GPATCH2L: variants seen among roughly 807,000 people sequenced by gnomAD.
The protein encoded by GPATCH2L is G-patch domain containing 2 like, also known as G patch domain-containing protein 2-like.
In GPATCH2L, 31 loss-of-function variants were observed where a neutral mutation model predicts 57.4. The ratio of observed to expected loss-of-function variants is 0.54; its 90% CI spans 0.41 to 0.73. The LOEUF is 0.73. GPATCH2L is among the 30% of genes least tolerant of loss of function. The pLI is 0.00. For synonymous variants in GPATCH2L, 199 were observed against 210.7 expected, an observed-to-expected ratio of 0.94 and a Z score of 0.48; for missense variants, 481 against 599.9, an observed-to-expected ratio of 0.80 and a Z score of 2.07.
downstream of GPATCH2L, among the ~76,000 whole-genome samples, chr14:76,214,789 T>C (rs1051522278): frequency 1.3e-5 from 2 of 152,246 alleles, no homozygotes; most frequent in African/African-American, 4.8e-5. Context: ...CTTTTTGTTT[T>C]GCAGCCAAAG....
At chr14:76,217,949 T>C (rs2040496867), downstream of GPATCH2L, among the ~76,000 whole-genome samples, 1 of 152,168 alleles carries the variant, frequency 6.6e-6, no homozygotes, top group East Asian at 1.9e-4. Context: ...GAAGTAATGG[T>C]GCCAGGATTT....
chr14:76,157,683 TC>T (rs59206868), intron 2 of GPATCH2L, among the ~76,000 whole-genome samples: 62,718 of 151,086 alleles, frequency 0.42, 15,406 homozygotes, highest in East Asian at 0.61. Context: ...GTTTTTTTTT[TC>T]TAAAGCATGT....
At chr14:76,153,844 C>T (rs2038168787) in intron 1 of GPATCH2L, 1 of 152,354 alleles carries the variant, frequency 6.6e-6, no homozygotes, top group Non-Finnish European at 1.5e-5. Flanking sequence ...TCAGCAGTGA[C>T]CCCAGGCCAA....
chr14:76,201,372 G>C (rs866334219), intron 9 of GPATCH2L, among the ~76,000 whole-genome samples: 3 of 152,134 alleles, frequency 2.0e-5, no homozygotes, highest in Non-Finnish European at 2.9e-5. Context: ...GCATTAACAA[G>C]ATCATGAGTA....
chr14:76,223,681 A>G (rs530255093), intron 1 of GPATCH2L, among the ~76,000 whole-genome samples: 1 of 152,368 alleles, frequency 6.6e-6, no homozygotes, highest in African/African-American at 2.4e-5. Flanking sequence ...CAAATCATAT[A>G]TTGGATAAGG....
At chr14:76,220,927 G>A (rs2040511657) in intron 1 of GPATCH2L, among the ~76,000 whole-genome samples, 1 of 151,860 alleles carries the variant, frequency 6.6e-6, no homozygotes, top group African/African-American at 2.4e-5. Flanking sequence ...GCATAAAAAA[G>A]GCTAAAAGTC....
intron 3 of GPATCH2L, among the ~76,000 whole-genome samples, chr14:76,168,812 G>C (rs2038960769): frequency 1.3e-5 from 2 of 152,214 alleles, no homozygotes; most frequent in Non-Finnish European, 2.9e-5. Flanking sequence ...GGATGATTCT[G>C]CTATAGAGAG....
At chr14:76,152,256 G>T (rs1478239689) in intron 1 of GPATCH2L, among the ~76,000 whole-genome samples, 2 of 152,086 alleles carry the variant, frequency 1.3e-5, no homozygotes, top group Non-Finnish European at 2.9e-5. Context: ...AGGGCTTGGT[G>T]TCCCGAGCCA....
chr14:76,193,046 T>C (rs1286388936), intron 8 of GPATCH2L, among the ~76,000 whole-genome samples: 2 of 152,086 alleles, frequency 1.3e-5, no homozygotes, highest in African/African-American at 4.8e-5. Context: ...AGGGTGGTGG[T>C]GGAAGGACCA....
downstream of GPATCH2L, among the ~76,000 whole-genome samples, chr14:76,216,080 A>C (rs1273374287): frequency 1.7e-4 from 26 of 152,062 alleles, no homozygotes; most frequent in Admixed American, 1.7e-3. Context: ...GGGCCTGCTC[A>C]AGGCAGGAAG....
Position 76,193,008 on chromosome 14 carries a change from A to G in GPATCH2L, c.1194-2870A>G, listed in dbSNP as rs185119567. On this transcript the variant is annotated intron_variant, in intron 8 of 9. Transcript: ENST00000261530. The stretch of plus-strand genomic sequence containing the variant: ...ACTTAATGTAGAGACAATTGACCTG[A>G]AGGCTTAACAATATCGCCTAGAGGA... Among the ~76,000 whole-genome samples, 8 of 152,218 alleles carry G rather than the reference A, an allele frequency of 5.3e-5. No individual in the cohort carries two copies. The East Asian group carries it at 1.5e-3, about 29-fold the overall frequency.
intron 7 of GPATCH2L, 51 bp downstream of exon 7, chr14:76,178,093 T>C: frequency 7.0e-7 from 1 of 1,437,522 alleles, no homozygotes; most frequent in Non-Finnish European, 9.7e-7. Context: ...AACCGTTTTC[T>C]AAGAGTATCC....
chr14:76,226,987 G>C (rs2040538903), intron 1 of GPATCH2L, among the ~76,000 whole-genome samples: 1 of 152,176 alleles, frequency 6.6e-6, no homozygotes, highest in Non-Finnish European at 1.5e-5. Context: ...GTGTTTCTGA[G>C]TGTAAGGGGA....
downstream of GPATCH2L, among the ~76,000 whole-genome samples, chr14:76,217,607 C>T (rs2040495574): frequency 6.6e-6 from 1 of 151,338 alleles, no homozygotes; most frequent in Non-Finnish European, 1.5e-5. Context: ...AAAAAAAAAC[C>T]TTGCATGCAT....
Position 76,204,005 on chromosome 14 carries a change from A to G in GPATCH2L, c.*2154A>G, listed in dbSNP as rs1198440550. The G allele has an allele frequency of 1.3e-5, 2 of 152,168 alleles. No individual in the cohort carries two copies. Among genetic ancestry groups the G allele is most frequent in the East Asian group, 1.9e-4 (1 of 5,194 alleles). The allele number at this position is 152,168 out of a possible 1,614,324, so 9.4% of individuals were successfully genotyped here. Reference sequence around the variant, plus strand: ...TTCCTAATAGTCTGCCTTTCTACCTATGATTAAAAATAATTTTTATATACA... The same window carrying G: ...TTCCTAATAGTCTGCCTTTCTACCTGTGATTAAAAATAATTTTTATATACA... On this transcript the variant is annotated 3_prime_UTR_variant, in exon 10 of 10. Coordinates refer to ENST00000261530, the MANE Select transcript of GPATCH2L (RefSeq NM_017926.4).
chr14:76,185,875 A>G (rs1410069188), intron 8 of GPATCH2L, among the ~76,000 whole-genome samples: 1 of 152,148 alleles, frequency 6.6e-6, no homozygotes, highest in African/African-American at 2.4e-5. Flanking sequence ...GTCCATTGGC[A>G]TAGGTGGTAG....
chr14:76,181,690 A>C (rs1296994264), intron 8 of GPATCH2L, among the ~76,000 whole-genome samples: 4 of 152,186 alleles, frequency 2.6e-5, no homozygotes, highest in Non-Finnish European at 5.9e-5. Flanking sequence ...TTACAAATAT[A>C]AATTCTTTTA....
chr14:76,195,114 A>G (rs2139799550), intron 8 of GPATCH2L, among the ~76,000 whole-genome samples: 1 of 152,290 alleles, frequency 6.6e-6, no homozygotes, highest in South Asian at 2.1e-4. Context: ...CTTTAATCAG[A>G]GGCAGGATCT....
chr14:76,230,155 C>G (rs534149567), intron 2 of GPATCH2L, among the ~76,000 whole-genome samples: 70 of 152,184 alleles, frequency 4.6e-4, no homozygotes, highest in Non-Finnish European at 7.9e-4. Context: ...TAAGGGACAG[C>G]CTAGCCTTGG....
Sources: allele counts gnomAD v4.1 joint callset (sites outside exome capture counted in the v4.1 genomes callset), GRCh38; gene constraint gnomAD v4.1.1; transcripts MANE v1.5; gene names NCBI Gene and HGNC (gene_info 2026-07-23, HGNC 2026-07-21).